The following ADAM7 variants were observed in gnomAD, a reference collection of about 807,000 sequenced individuals.
ADAM7 encodes disintegrin and metalloproteinase domain-containing protein 7.
A neutral mutation model predicts 102.9 loss-of-function variants in ADAM7; 97 were observed. The observed-to-expected ratio is 0.94, with a 90% CI of 0.80 to 1.12. ADAM7 has a LOEUF of 1.12. Among genes scored for constraint, ADAM7 ranks in the 50% most tolerant of loss-of-function variants. ADAM7 has a pLI of 0.00. For missense variants in ADAM7, 991 were observed against 908.7 expected (o/e 1.09, Z -1.16); for synonymous variants, 334 against 304.4 (o/e 1.10, Z -1.01).
intron 7 of ADAM7, among the ~76,000 whole-genome samples, chr8:24,471,424 C>T (rs1042090390): frequency 1.3e-5 from 2 of 151,310 alleles, no homozygotes; most frequent in African/African-American, 4.9e-5. Context: ...TCCAGGCCTA[C>T]AAGCTCCATT....
At chr8:24,483,756 A>C (rs1820040048) in intron 9 of ADAM7, among the ~76,000 whole-genome samples, 2 of 152,196 alleles carry the variant, frequency 1.3e-5, no homozygotes, top group Admixed American at 1.3e-4. Context: ...CAGAGTGGGC[A>C]AGATTAACTC....
intron 2 of ADAM7, among the ~76,000 whole-genome samples, chr8:24,446,872 A>G: frequency 6.7e-6 from 1 of 148,938 alleles, no homozygotes; most frequent in East Asian, 1.9e-4. Flanking sequence ...ATATTATAAC[A>G]TGCTATGTTA....
chr8:24,476,611 C>A, intron 8 of ADAM7, 107 bp downstream of exon 8: 2 of 721,330 alleles, frequency 2.8e-6, no homozygotes, highest in Non-Finnish European at 4.4e-6. Flanking sequence ...TAAGGGAGTA[C>A]AAAGCACAAA....
In ADAM7 at chr8:24,447,774, T is replaced by G. The variant is rs1585848945; in HGVS notation, c.233+512T>G. ...AAGAATGTCTATTGTTGCCGCTGTT[T>G]AAGTTTCATTGTTTTTCCACTGGGC... On this transcript the variant is annotated intron_variant, in intron 3 of 21. Coordinates refer to ENST00000175238, the MANE Select transcript of ADAM7 (RefSeq NM_003817.4). Among the ~76,000 whole-genome samples, 3 of 152,292 alleles carry G rather than the reference T, an allele frequency of 2.0e-5. No individual in the cohort carries two copies. The East Asian group carries it at 5.8e-4, about 29-fold the overall frequency.
At chr8:24,466,092 C>T (rs1819415064) in intron 5 of ADAM7, among the ~76,000 whole-genome samples, 1 of 152,174 alleles carries the variant, frequency 6.6e-6, no homozygotes, top group Non-Finnish European at 1.5e-5. Flanking sequence ...AAGCTTTCTC[C>T]TGAATATTCC....
chr8:24,471,206 A>C lies in ADAM7; in HGVS notation c.633+2386A>C, dbSNP rs192771361. 3.0e-3 allele frequency among the ~76,000 whole-genome samples: 458 copies of C among 152,270 alleles called. 1 individual carries two copies. The highest frequency in any genetic ancestry group is 4.7e-3 in the Admixed American group (72 of 15,292). On this transcript the variant is annotated intron_variant, in intron 7 of 21. Transcript: ENST00000175238. ...TTGATTTTAAACTGATGTCTAAAAA[A>C]ATCAAAAGTTTAAAAATTTTTAAAG...
At position 24,493,187 on chromosome 8, in the gene ADAM7, C is replaced by T. The variant is rs1427885067; in HGVS notation, c.1800C>T (p.Asp600=). Residue 600 remains aspartate (D), a synonymous_variant, in exon 16 of 22, where the codon GAC becomes GAT. Transcript: ENST00000175238. ...KTIFLYHDST[D]IGLVASGTKC... is the part of the protein sequence containing the mutation. ...TTTTTTTATACCATGATTCTACAGACATTGGCCTGGTGGCGTCAGGAACAA... is the reference window on the plus strand; with the variant it reads ...TTTTTTTATACCATGATTCTACAGATATTGGCCTGGTGGCGTCAGGAACAA... 2 of 1,611,382 alleles carry T rather than the reference C, an allele frequency of 1.2e-6. No homozygotes were observed. Among genetic ancestry groups the T allele is most frequent in the Non-Finnish European group, 1.7e-6 (2 of 1,179,038 alleles).
At chr8:24,482,485 TATCTTTAATCCCAAC>T (rs1819989785) in intron 9 of ADAM7, among the ~76,000 whole-genome samples, 174 bp downstream of exon 9, 2 of 152,132 alleles carry the variant, frequency 1.3e-5, no homozygotes. Context: ...CCGTAGCATA[TATCTTTAATCCCAAC>T]ATTTTAGGAG....
In ADAM7 at chr8:24,442,531, G is replaced by C. The variant is rs976452932; in HGVS notation, c.111G>C (p.Leu37=). Residue 37 remains leucine (L), a synonymous_variant, in exon 2 of 22, where the codon CTG becomes CTC. Coordinates refer to ENST00000175238, the MANE Select transcript of ADAM7 (RefSeq NM_003817.4). ...TGGTTCGTCCTAAAAAGCTTCCTCT[G>C]ATACAGAAGCGAGATACTGGACACA... The part of the protein sequence containing the change: ...QQLVRPKKLP[L]IQKRDTGHTH... 4 of 1,613,966 alleles carry C rather than the reference G, an allele frequency of 2.5e-6. No individual in the cohort carries two copies. The highest frequency in any genetic ancestry group is 3.4e-6 in the Non-Finnish European group (4 of 1,180,002).
rs1325147595 is a variant in ADAM7, at chr8:24,499,323, T to C, written c.1923+7T>C. ...TCAGTGCAATGAAAATCCTGTAAGA[T>C]ATGACTGCTTTCAAAATTAATGTCT... On this transcript the variant is annotated splice_region_variant and intron_variant, in intron 17 of 21. Transcript: ENST00000175238. 1.3e-6 allele frequency: 2 copies of C among 1,587,588 alleles called. No individual in the cohort carries two copies. The highest frequency in any genetic ancestry group is 1.8e-5 in the Admixed American group (1 of 56,786).
intron 3 of ADAM7, among the ~76,000 whole-genome samples, chr8:24,460,803 A>G (rs1819214953): frequency 6.6e-6 from 1 of 151,790 alleles, no homozygotes; most frequent in East Asian, 1.9e-4. Flanking sequence ...ATGCATGACT[A>G]TAATTTGGCT....
intron 9 of ADAM7, among the ~76,000 whole-genome samples, chr8:24,483,669 T>C (rs2013528990): frequency 6.6e-6 from 1 of 152,184 alleles, no homozygotes; most frequent in Admixed American, 6.5e-5. Context: ...TGTGCCTGGC[T>C]TGTACTTGAA....
Position 24,500,189 on chromosome 8 carries a change from C to G in ADAM7, c.1935C>G (p.His645Gln), listed in dbSNP as rs764030316. ...SQCNENPVDGHGLQCHCEEGQ... is the reference protein window; with the variant it reads ...SQCNENPVDGQGLQCHCEEGQ... Reference sequence around the variant, plus strand: ...GACTGCTCTTCCAGGTGGATGGCCACGGACTCCAGTGCCACTGTGAGGAAG... The same window carrying G: ...GACTGCTCTTCCAGGTGGATGGCCAGGGACTCCAGTGCCACTGTGAGGAAG... The change falls in exon 18 of 22, where the codon CAC (histidine) becomes CAG (glutamine). Residue 645 changes from histidine (H) to glutamine (Q), a missense_variant. By Grantham distance (24) the His-to-Gln change is conservative (BLOSUM62 0). Coordinates refer to ENST00000175238, the MANE Select transcript of ADAM7 (RefSeq NM_003817.4). 2 of 1,610,328 alleles carry G rather than the reference C, an allele frequency of 1.2e-6. No homozygotes were observed. Among genetic ancestry groups the G allele is most frequent in the South Asian group, 1.1e-5 (1 of 90,712 alleles).
chr8:24,447,360 A>G, intron 3 of ADAM7, 98 bp downstream of exon 3: 1 of 528,208 alleles, frequency 1.9e-6, no homozygotes, highest in Non-Finnish European at 3.1e-6. Context: ...CTCAATTTTT[A>G]TTTGCACGTA....
chr8:24,507,534 T>A lies in ADAM7; in HGVS notation c.2263T>A (p.Ter755ArgextTer2), dbSNP rs201348347. The stretch of plus-strand genomic sequence containing the variant: ...CGCAGATCCCAATCAAAGTGCCAAG[T>A]GGTAGGTTACCCTGACAGATAGTAC... ...GIADPNQSAK[*>R] The change falls in exon 21 of 22, where the codon TGA becomes AGA. Residue 755 changes from the stop codon to arginine (R), a stop_lost and splice_region_variant. Coordinates refer to ENST00000175238, the MANE Select transcript of ADAM7 (RefSeq NM_003817.4). 2.3e-4 allele frequency: 373 copies of A among 1,610,856 alleles called. No homozygotes were observed. Among genetic ancestry groups the A allele is most frequent in the Non-Finnish European group, 3.1e-4 (361 of 1,177,186 alleles).
intron 11 of ADAM7, among the ~76,000 whole-genome samples, chr8:24,488,376 G>A (rs888097595): frequency 6.6e-6 from 1 of 152,132 alleles, no homozygotes; most frequent in Non-Finnish European, 1.5e-5. Context: ...TATACATAAA[G>A]CATTGTATAT....
At position 24,499,263 on chromosome 8, in the gene ADAM7, AT is replaced by A; in HGVS notation, c.1871del (p.Met624ArgfsTer35). On this transcript the variant is annotated frameshift_variant, in exon 17 of 22. Transcript: ENST00000175238. LOFTEE classifies it high-confidence loss of function. The stretch of plus-strand genomic sequence containing the variant: ...GTGCAACAATGGTGAATGTCTAAAC[AT>A]GGAAAAGGTCTATATCTCAACCAAT... The part of the protein sequence containing the change: ...MVCNNGECLN[M>X]EKVYISTNCP... The A allele has an allele frequency of 1.2e-6, 2 of 1,607,084 alleles. No individual in the cohort carries two copies. Among genetic ancestry groups the A allele is most frequent in the Non-Finnish European group, 1.7e-6 (2 of 1,177,196 alleles).
intron 3 of ADAM7, among the ~76,000 whole-genome samples, chr8:24,454,735 C>T (rs1480350403): frequency 1.3e-5 from 2 of 152,144 alleles, no homozygotes; most frequent in Non-Finnish European, 2.9e-5. Context: ...AGAAATCACC[C>T]GTCTTCTGCA....
intron 7 of ADAM7, among the ~76,000 whole-genome samples, chr8:24,469,392 A>T (rs1819532290): frequency 6.6e-6 from 1 of 152,214 alleles, no homozygotes; most frequent in Non-Finnish European, 1.5e-5. Context: ...AGCCATGAGC[A>T]GGTAAAATGT....
Sources: gnomAD v4.1 joint callset for allele counts (sites outside exome capture counted in the v4.1 genomes callset) on GRCh38, gnomAD v4.1.1 for gene constraint, MANE v1.5 for transcripts, NCBI Gene and HGNC (gene_info 2026-07-23, HGNC 2026-07-21) for gene names.